The following PTP4A2 variants were observed in gnomAD, a reference collection of about 807,000 sequenced individuals.
PTP4A2 encodes protein tyrosine phosphatase type IVA 2.
PTP4A2 carries 2 observed loss-of-function variants against 22.9 expected under a neutral mutation model. That is an observed-to-expected ratio of 0.09 (90% confidence interval 0.04 to 0.27). The LOEUF is 0.27. Ranked by LOEUF, PTP4A2 falls within the 10% of genes least tolerant of loss-of-function variation. The pLI is 1.00. For missense variants in PTP4A2, 103 were observed against 205.1 expected (o/e 0.50, Z 3.04); for synonymous variants, 68 against 69.1 (o/e 0.98, Z 0.08).
chr1:31,922,414 CAG>C (rs1290086973), intron 1 of PTP4A2, among the ~76,000 whole-genome samples: 2 of 152,104 alleles, frequency 1.3e-5, no homozygotes, highest in Admixed American at 1.3e-4. Context: ...ACCTGGGAGA[CAG>C]AGGTTGCAGG....
chr1:31,916,327 A>G (rs986089714), intron 2 of PTP4A2, among the ~76,000 whole-genome samples: 4 of 141,162 alleles, frequency 2.8e-5, no homozygotes, highest in African/African-American at 7.8e-5. Context: ...CCTGGGCGAC[A>G]GAGCGAGACT....
intron 5 of PTP4A2, among the ~76,000 whole-genome samples, chr1:31,909,754 G>A (rs1218871039): frequency 6.6e-6 from 1 of 151,838 alleles, no homozygotes; most frequent in Non-Finnish European, 1.5e-5. Flanking sequence ...ATTATATTTG[G>A]AAGGTATTTG....
rs377236974 is a variant in PTP4A2, at chr1:31,915,888, C to A, written c.189+7G>T. On this transcript the variant is annotated splice_region_variant and intron_variant, in intron 3 of 5. Coordinates refer to ENST00000647444, the MANE Select transcript of PTP4A2 (RefSeq NM_080391.4). ...TGTTTTGAAAAATTTAAATACTACA[C>A]ACTCACTAGAACGTGGATTCCTTCT... The A allele has an allele frequency of 1.9e-5, 29 of 1,556,020 alleles. No individual in the cohort carries two copies. The Admixed American group carries it at 5.3e-4, about 28-fold the overall frequency.
intron 1 of PTP4A2, among the ~76,000 whole-genome samples, chr1:31,925,092 G>A (rs1652384691): frequency 6.6e-6 from 1 of 152,164 alleles, no homozygotes; most frequent in African/African-American, 2.4e-5. Flanking sequence ...ACAAAGATAA[G>A]AGATAACAGT....
intron 4 of PTP4A2, chr1:31,910,338 G>A (rs1359992197): frequency 7.5e-6 from 3 of 401,368 alleles, no homozygotes; most frequent in Non-Finnish European, 1.4e-5. Flanking sequence ...ACCCAGGCCA[G>A]AGTGCAGTGG....
At chr1:31,930,770 T>C (rs1292118886) in intron 1 of PTP4A2, among the ~76,000 whole-genome samples, 1 of 152,214 alleles carries the variant, frequency 6.6e-6, no homozygotes, top group Non-Finnish European at 1.5e-5. Context: ...GTACTGTCTA[T>C]CCACTAATTG....
chr1:31,914,008 G>T, intron 3 of PTP4A2: 1 of 400,460 alleles, frequency 2.5e-6, no homozygotes, highest in South Asian at 1.8e-5. Context: ...TCCAGCAGTG[G>T]ACAGTAAAGT....
chr1:31,929,076 AATAACT>A (rs763645615), intron 1 of PTP4A2, among the ~76,000 whole-genome samples: 1 of 152,170 alleles, frequency 6.6e-6, no homozygotes, highest in Non-Finnish European at 1.5e-5. Flanking sequence ...TACCTCTACA[AATAACT>A]ATAAGACAAA....
At position 31,927,091 on chromosome 1, in the gene PTP4A2, C is replaced by T. The variant is rs762696988; in HGVS notation, c.-593-7433G>A. On this transcript the variant is annotated intron_variant, in intron 1 of 5. Transcript: ENST00000647444. ...AGAGAGCCTTATAGGCCACTAAAAG[C>T]ATTTGACTTTTATTCAGAAAATGAT... Among the ~76,000 whole-genome samples, 113 of 152,236 alleles carry T rather than the reference C, an allele frequency of 7.4e-4. 1 individual carries two copies. Among genetic ancestry groups the T allele is most frequent in the Non-Finnish European group, 1.3e-3 (91 of 68,008 alleles).
chr1:31,919,861 T>G (rs1289583233), intron 1 of PTP4A2, among the ~76,000 whole-genome samples: 1 of 152,148 alleles, frequency 6.6e-6, no homozygotes, highest in Admixed American at 6.5e-5. Flanking sequence ...GTGTGGTGGC[T>G]GATGCCTGTA....
chr1:31,930,421 A>G (rs1488449902), intron 1 of PTP4A2, among the ~76,000 whole-genome samples: 2 of 152,192 alleles, frequency 1.3e-5, no homozygotes, highest in Non-Finnish European at 2.9e-5. Context: ...ATTTTGTCAA[A>G]TGTATTGAGC....
In PTP4A2 at chr1:31,908,156, ATATATATATATATATATATATAT is replaced by A. The variant is rs1651312956; in HGVS notation, c.*673_*695del. ...TATATTATATTATATATATATATAT[ATATATATATATATATATATATAT>A]ATATATATATATATATATATATATA... is the stretch of plus-strand genomic sequence containing the variant. On this transcript the variant is annotated 3_prime_UTR_variant, in exon 6 of 6. Coordinates refer to ENST00000647444, the MANE Select transcript of PTP4A2 (RefSeq NM_080391.4). 3.3e-4 allele frequency: 1 copy of A among 3,034 alleles called. No individual in the cohort carries two copies. The highest frequency in any genetic ancestry group is 5.8e-4 in the Non-Finnish European group (1 of 1,726). 0.2% of individuals were successfully genotyped at this position (3,034 alleles called of 1,614,324 possible). A position where few individuals can be genotyped will look rare whatever the true frequency, so the allele number is the denominator to read the frequency against.
At chr1:31,915,260 T>C (rs79419290) in intron 3 of PTP4A2, among the ~76,000 whole-genome samples, 3,714 of 152,298 alleles carry the variant, frequency 0.024, 149 homozygotes, top group African/African-American at 0.083. Flanking sequence ...TGAACAAAAC[T>C]GCCAATTTGT....
intron 1 of PTP4A2, among the ~76,000 whole-genome samples, chr1:31,920,098 C>A (rs996799308): frequency 3.8e-5 from 5 of 130,430 alleles, no homozygotes; most frequent in African/African-American, 1.5e-4. Flanking sequence ...TGCACTCCAG[C>A]CTGGGCAACA....
intron 1 of PTP4A2, among the ~76,000 whole-genome samples, chr1:31,930,543 TTTTG>T (rs1652683017): frequency 6.6e-6 from 1 of 152,176 alleles, no homozygotes; most frequent in African/African-American, 2.4e-5. Context: ...ACATAAATTA[TTTTG>T]TTTGAGCCCC....
intron 1 of PTP4A2, among the ~76,000 whole-genome samples, chr1:31,922,601 T>TC (rs1652220569): frequency 1.0e-5 from 1 of 99,642 alleles, no homozygotes; most frequent in African/African-American, 6.2e-5. Context: ...TTTCTTTCTT[T>TC]CTTTCTTTCT....
At chr1:31,911,917 G>A (rs889757901) in intron 3 of PTP4A2, 91 bp from the exon 4 acceptor site, 2 of 929,800 alleles carry the variant, frequency 2.2e-6, no homozygotes, top group Non-Finnish European at 3.1e-6. Flanking sequence ...CACACGGCAG[G>A]CCTAACTGAA....
At chr1:31,910,133 G>A (rs778584358) in intron 4 of PTP4A2, 21 bp from the exon 5 acceptor site, 6 of 1,588,868 alleles carry the variant, frequency 3.8e-6, no homozygotes, top group Non-Finnish European at 5.2e-6. Context: ...AAACCTGTAT[G>A]TAAGTATCCA....
intron 1 of PTP4A2, among the ~76,000 whole-genome samples, chr1:31,926,736 G>A (rs1235013367): frequency 6.6e-6 from 1 of 152,108 alleles, no homozygotes; most frequent in Non-Finnish European, 1.5e-5. Flanking sequence ...TTTCTGTTGG[G>A]ATGGATCTTA....
Sources: gnomAD v4.1 joint callset for allele counts (sites outside exome capture counted in the v4.1 genomes callset) on GRCh38, gnomAD v4.1.1 for gene constraint, MANE v1.5 for transcripts, NCBI Gene and HGNC (gene_info 2026-07-23, HGNC 2026-07-21) for gene names.